The following ZSCAN2 variants were observed in gnomAD, a reference collection of about 807,000 sequenced individuals.
ZSCAN2 encodes the protein zinc finger and SCAN domain-containing protein 2.
ZSCAN2 carries 26 observed loss-of-function variants against 47.8 expected under a neutral mutation model. The observed-to-expected ratio is 0.54, with a 90% CI of 0.40 to 0.75. The LOEUF is 0.75. Among genes scored for constraint, ZSCAN2 ranks in the 30% least tolerant of loss-of-function variants. ZSCAN2 has a pLI of 0.00. For missense variants in ZSCAN2, 732 were observed against 785.4 expected (o/e 0.93, Z 0.81); for synonymous variants, 305 against 288.7 (o/e 1.06, Z -0.57).
Position 84,621,214 on chromosome 15 carries a change from G to T in ZSCAN2, c.1019G>T (p.Gly340Val). The part of the protein sequence containing the change: ...GEKPYSCPEC[G>V]KSFGNRSSLN... Reference sequence around the variant, plus strand: ...AAACCCTACTCGTGCCCCGAGTGTGGAAAGAGCTTTGGCAACCGATCCAGC... The same window carrying T: ...AAACCCTACTCGTGCCCCGAGTGTGTAAAGAGCTTTGGCAACCGATCCAGC... Residue 340 changes from glycine to valine, a missense_variant, in exon 3 of 3, where the codon GGA becomes GTA. Physicochemically the swap from Gly to Val is moderately radical, Grantham distance 109. Around this residue, in one of 2 missense-constraint regions of ZSCAN2, gnomAD observed 412 missense variants for 498.0 expected, o/e 0.83. Transcript: ENST00000546148. The surrounding 1 kb of genome is among the most constrained non-coding windows in gnomAD (Gnocchi z 5.7). The T allele has an allele frequency of 1.2e-6, 2 of 1,614,118 alleles. No homozygotes were observed. Among genetic ancestry groups the T allele is most frequent in the Non-Finnish European group, 1.7e-6 (2 of 1,180,016 alleles).
At chr15:84,612,763 T>A (rs1895590028) in intron 2 of ZSCAN2, among the ~76,000 whole-genome samples, 1 of 151,828 alleles carries the variant, frequency 6.6e-6, no homozygotes, top group South Asian at 2.1e-4. Context: ...GGAAATGACA[T>A]TGTAACCAAA....
chr15:84,611,994 C>T lies in ZSCAN2; in HGVS notation c.406+7661C>T, dbSNP rs779888391. 3.3e-5 allele frequency: 5 copies of T among 152,322 alleles called. No homozygotes were observed. The East Asian group carries it at 9.6e-4, about 29-fold the overall frequency. 9.4% of individuals were successfully genotyped at this position (152,322 alleles called of 1,614,324 possible). ...CGTGGTAAGAATATTATTTTTGTATCTGACCAAAACCAGTTTCTGAGTTTT... is the reference window on the plus strand; with the variant it reads ...CGTGGTAAGAATATTATTTTTGTATTTGACCAAAACCAGTTTCTGAGTTTT... On this transcript the variant is annotated intron_variant, in intron 2 of 2. Transcript: ENST00000546148.
chr15:84,606,531 G>C, intron 2 of ZSCAN2: 1 of 1,608,780 alleles, frequency 6.2e-7, no homozygotes, highest in Non-Finnish European at 8.5e-7. Flanking sequence ...TTTTACAGCT[G>C]TAGCTGTCGT....
chr15:84,619,946 T>TC (rs1351531819), intron 2 of ZSCAN2, among the ~76,000 whole-genome samples: 5 of 148,134 alleles, frequency 3.4e-5, no homozygotes, highest in African/African-American at 1.0e-4. Context: ...TTTTTTTTTT[T>TC]CCATCAGCTT....
intron 2 of ZSCAN2, among the ~76,000 whole-genome samples, chr15:84,609,903 C>T (rs1449019117): frequency 6.6e-6 from 1 of 152,198 alleles, no homozygotes; most frequent in Non-Finnish European, 1.5e-5. Flanking sequence ...TCAGGTCTAT[C>T]CCCTATTGAC....
chr15:84,615,326 C>T (rs1405691238), intron 2 of ZSCAN2, among the ~76,000 whole-genome samples: 2 of 151,922 alleles, frequency 1.3e-5, no homozygotes, highest in African/African-American at 2.4e-5. Context: ...TTTTGCCTAA[C>T]TTCTGTTTCT....
At chr15:84,617,305 G>A (rs917227482) in intron 2 of ZSCAN2, among the ~76,000 whole-genome samples, 3 of 150,312 alleles carry the variant, frequency 2.0e-5, no homozygotes, top group African/African-American at 7.4e-5. Context: ...GCGTGTTGGC[G>A]TGCGCCTGTA....
chr15:84,621,274 A>G lies in ZSCAN2; in HGVS notation c.1079A>G (p.Lys360Arg). The G allele has an allele frequency of 6.2e-7, 1 of 1,613,930 alleles. No individual in the cohort carries two copies. Among genetic ancestry groups the G allele is most frequent in the Non-Finnish European group, 8.5e-7 (1 of 1,179,986 alleles). Residue 360 changes from lysine (K) to arginine (R), a missense_variant, in exon 3 of 3, where the codon AAG (lysine) becomes AGG (arginine). Lys to Arg is a conservative substitution (Grantham distance 26). Transcript: ENST00000546148. This position sits in a 1 kb window ranked among gnomAD's most constrained non-coding sequence, Gnocchi z 5.7. ...CATCAGGGGATCCACACTGGAGAAA[A>G]GCCCTACGAATGTAAAGAATGCGGC... ...NTHQGIHTGE[K>R]PYECKECGES...
intron 2 of ZSCAN2, among the ~76,000 whole-genome samples, chr15:84,609,514 T>C (rs1220925881): frequency 3.9e-5 from 6 of 152,124 alleles, no homozygotes; most frequent in Non-Finnish European, 8.8e-5. Flanking sequence ...TTTACTCAAA[T>C]GTTTGAAAAG....
intron 2 of ZSCAN2, among the ~76,000 whole-genome samples, chr15:84,615,964 G>A (rs905619048): frequency 5.9e-5 from 9 of 151,858 alleles, no homozygotes; most frequent in African/African-American, 1.7e-4. Flanking sequence ...TCCTTGGGCC[G>A]GGCTCCAGCC....
At chr15:84,605,351 T>C (rs1273468000) in intron 2 of ZSCAN2, among the ~76,000 whole-genome samples, 1 of 152,168 alleles carries the variant, frequency 6.6e-6, no homozygotes, top group Non-Finnish European at 1.5e-5. Flanking sequence ...TGATGAAAAC[T>C]ACGGAAGTTC....
intron 1 of ZSCAN2, among the ~76,000 whole-genome samples, chr15:84,603,291 C>G (rs1895266853): frequency 6.6e-6 from 1 of 152,048 alleles, no homozygotes; most frequent in Non-Finnish European, 1.5e-5. Flanking sequence ...TGGGTTTTTC[C>G]CGGGGACTTT....
chr15:84,623,640 GGGCCTGT>G lies in ZSCAN2; in HGVS notation c.*1602_*1608del, dbSNP rs1343008608. Reference sequence around the variant, plus strand: ...GGGAAACTGCCTCCTCCTACACATGGGGCCTGTGCTCAGAATGGGCTTAGTTCTTATA... The same window carrying G: ...GGGAAACTGCCTCCTCCTACACATGGGCTCAGAATGGGCTTAGTTCTTATA... On this transcript the variant is annotated 3_prime_UTR_variant, in exon 3 of 3. Transcript: ENST00000546148. 6.0e-6 allele frequency: 1 copy of G among 167,154 alleles called. No homozygotes were observed. Among genetic ancestry groups the G allele is most frequent in the African/African-American group, 2.4e-5 (1 of 41,432 alleles). 10.4% of individuals were successfully genotyped at this position (167,154 alleles called of 1,614,324 possible). A position where few individuals can be genotyped will look rare whatever the true frequency, so the allele number is the denominator to read the frequency against.
chr15:84,602,884 A>G (rs1275807292), intron 1 of ZSCAN2, among the ~76,000 whole-genome samples: 6 of 152,068 alleles, frequency 3.9e-5, no homozygotes, highest in African/African-American at 1.2e-4. Flanking sequence ...CGCCAAGCCT[A>G]TAGCACAGTT....
chr15:84,618,628 C>A (rs1008315732), intron 2 of ZSCAN2, among the ~76,000 whole-genome samples: 7 of 150,830 alleles, frequency 4.6e-5, no homozygotes, highest in Non-Finnish European at 7.4e-5. Context: ...GTGGCGTGAT[C>A]TTGGCTCACC....
Position 84,620,753 on chromosome 15 carries a change from G to T in ZSCAN2, c.558G>T (p.Arg186Ser). The T allele has an allele frequency of 6.2e-7, 1 of 1,614,206 alleles. No homozygotes were observed. Among genetic ancestry groups the T allele is most frequent in the Non-Finnish European group, 8.5e-7 (1 of 1,180,036 alleles). Residue 186 changes from arginine to serine, a missense_variant, in exon 3 of 3, where the codon AGG becomes AGT. Coordinates refer to ENST00000546148, the MANE Select transcript of ZSCAN2 (RefSeq NM_181877.4). ...TTGAGAGAGATGCTGGCATCCAGAG[G>T]CTCCAGGGACACAGCCCAGGTGAGG... The part of the protein sequence containing the change: ...SDFERDAGIQ[R>S]LQGHSPGEDH...
Position 84,622,113 on chromosome 15 carries a change from TCAAAGAGCTGTG to T in ZSCAN2, c.*75_*86del. On this transcript the variant is annotated 3_prime_UTR_variant, in exon 3 of 3. Coordinates refer to ENST00000546148, the MANE Select transcript of ZSCAN2 (RefSeq NM_181877.4). ...ACACTGCCCCAACAGTGATTCCCTT[TCAAAGAGCTGTG>T]CTTCCTAAACATTCTGGGGGGTTTT... is the stretch of plus-strand genomic sequence containing the variant. The T allele has an allele frequency of 6.9e-6, 9 of 1,310,966 alleles. No individual in the cohort carries two copies. The South Asian group carries it at 1.3e-4, about 19-fold the overall frequency. 81.2% of individuals were successfully genotyped at this position (1,310,966 alleles called of 1,614,324 possible).
intron 2 of ZSCAN2, chr15:84,614,936 A>T (rs1490566651): frequency 6.7e-6 from 1 of 149,246 alleles, no homozygotes; most frequent in Non-Finnish European, 1.5e-5. Context: ...ATATCCTTAC[A>T]GGTTTTATCT....
intron 2 of ZSCAN2, among the ~76,000 whole-genome samples, chr15:84,605,505 C>T (rs1029673791): frequency 2.6e-5 from 4 of 152,048 alleles, no homozygotes; most frequent in Non-Finnish European, 5.9e-5. Context: ...GGCAGAGCCA[C>T]GGTGGTTTAT....
Sources: gnomAD v4.1 joint callset for allele counts (sites outside exome capture counted in the v4.1 genomes callset) on GRCh38, gnomAD v4.1.1 for gene constraint, gnomAD v4.1.1 regional missense constraint, Gnocchi (gnomAD v3.1) non-coding constraint, MANE v1.5 for transcripts, NCBI Gene and HGNC (gene_info 2026-07-23, HGNC 2026-07-21) for gene names.